Variants in SMIM10L3 observed in about 807,000 individuals in gnomAD.
SMIM10L3 encodes the protein small integral membrane protein 10 like 3, also known as salivary gland specific protein SAGSIN1.
chr7:6,343,958 T>C, the SMIM10L3 span, among the ~76,000 whole-genome samples: 76 of 152,212 alleles, frequency 5.0e-4, no homozygotes, highest in African/African-American at 1.6e-3. Context: ...GGATCATAGC[T>C]TACTGTAGCC....
At chr7:6,341,529 A>T in the SMIM10L3 span, among the ~76,000 whole-genome samples, 13 of 149,326 alleles carry the variant, frequency 8.7e-5, no homozygotes, top group South Asian at 2.1e-4. Flanking sequence ...CTAAAAAAAA[A>T]TTTTTTTTAA....
chr7:6,338,657 C>G, the SMIM10L3 span: 9 of 152,310 alleles, frequency 5.9e-5, no homozygotes, highest in African/African-American at 2.2e-4. Flanking sequence ...TCACCTTCCT[C>G]GCAGATCCCT....
At chr7:6,334,890 T>G in the SMIM10L3 span, among the ~76,000 whole-genome samples, 688 of 152,094 alleles carry the variant, frequency 4.5e-3, 8 homozygotes, top group Admixed American at 7.8e-3. Context: ...TGCCTCAGCC[T>G]CCTGAGTAGC....
chr7:6,340,029 C>A, the SMIM10L3 span, among the ~76,000 whole-genome samples: 3 of 152,242 alleles, frequency 2.0e-5, no homozygotes, highest in East Asian at 3.9e-4. Flanking sequence ...GGATTACAGG[C>A]ATGCACCACC....
chr7:6,334,773 T>C, the SMIM10L3 span, among the ~76,000 whole-genome samples: 1 of 141,642 alleles, frequency 7.1e-6, no homozygotes, highest in Non-Finnish European at 1.5e-5. Context: ...GCCTGGATAG[T>C]TAGTTAGTTA....
At chr7:6,339,122 G>A in the SMIM10L3 span, among the ~76,000 whole-genome samples, 3 of 152,168 alleles carry the variant, frequency 2.0e-5, no homozygotes, top group African/African-American at 7.2e-5. Context: ...ATGATCACAA[G>A]GAACACACTA....
the SMIM10L3 span, among the ~76,000 whole-genome samples, chr7:6,348,118 C>T: frequency 6.6e-6 from 1 of 151,242 alleles, no homozygotes; most frequent in African/African-American, 2.4e-5. Context: ...CCGTGTTGGT[C>T]AGGCTGGTCT....
At chr7:6,334,278 G>A in the SMIM10L3 span, among the ~76,000 whole-genome samples, 1 of 150,412 alleles carries the variant, frequency 6.6e-6, no homozygotes, top group Admixed American at 6.6e-5. Flanking sequence ...GCTCACGCCT[G>A]TAATCCCAGC....
chr7:6,339,683 C>G, the SMIM10L3 span, among the ~76,000 whole-genome samples: 6 of 151,874 alleles, frequency 4.0e-5, no homozygotes, highest in Non-Finnish European at 1.5e-5. Flanking sequence ...CAGGGTTTCA[C>G]CATGGTCTCG....
At chr7:6,339,585 G>A in the SMIM10L3 span, among the ~76,000 whole-genome samples, 7 of 151,672 alleles carry the variant, frequency 4.6e-5, no homozygotes, top group African/African-American at 1.4e-4. Flanking sequence ...CCAGGTTCAC[G>A]CCATTCCGCT....
chr7:6,347,229 T>G, the SMIM10L3 span, among the ~76,000 whole-genome samples: 4 of 152,128 alleles, frequency 2.6e-5, no homozygotes, highest in East Asian at 7.7e-4. Context: ...AATATCAGTC[T>G]CTTGGCTGGG....
chr7:6,334,768 G>T, the SMIM10L3 span, among the ~76,000 whole-genome samples: 1 of 148,570 alleles, frequency 6.7e-6, no homozygotes, highest in Non-Finnish European at 1.5e-5. Context: ...GCCCAGCCTG[G>T]ATAGTTAGTT....
chr7:6,346,271 T>C, the SMIM10L3 span, among the ~76,000 whole-genome samples: 1 of 152,288 alleles, frequency 6.6e-6, no homozygotes, highest in South Asian at 2.1e-4. Flanking sequence ...GTGGAGGTTT[T>C]GACCCCTCTA....
the SMIM10L3 span, among the ~76,000 whole-genome samples, chr7:6,340,907 A>G: frequency 6.7e-6 from 1 of 148,766 alleles, no homozygotes; most frequent in Non-Finnish European, 1.5e-5. Flanking sequence ...TCAAAAAAAA[A>G]AAAAAAAAAA....
chr7:6,334,823 C>T, the SMIM10L3 span, among the ~76,000 whole-genome samples: 1 of 150,910 alleles, frequency 6.6e-6, no homozygotes, highest in African/African-American at 2.4e-5. Context: ...GGCTGGAGTA[C>T]AATGGCACGA....
the SMIM10L3 span, among the ~76,000 whole-genome samples, chr7:6,344,039 C>T: frequency 2.0e-5 from 3 of 152,096 alleles, no homozygotes; most frequent in Admixed American, 2.0e-4. Flanking sequence ...GCATGCACCA[C>T]TACATTCAAC....
the SMIM10L3 span, chr7:6,348,942 C>A: frequency 2.6e-6 from 1 of 380,456 alleles, no homozygotes; most frequent in Non-Finnish European, 4.6e-6. Flanking sequence ...CGAGCAGCCG[C>A]CTGTACCAGC....
chr7:6,332,322 T>C, the SMIM10L3 span, among the ~76,000 whole-genome samples: 1 of 152,020 alleles, frequency 6.6e-6, no homozygotes, highest in Non-Finnish European at 1.5e-5. Flanking sequence ...GTCTAATTAG[T>C]TTAATTAAAC....
chr7:6,330,893 C>T, the SMIM10L3 span: 4 of 1,614,082 alleles, frequency 2.5e-6, no homozygotes, highest in Admixed American at 1.7e-5. Context: ...CTTACTGATT[C>T]TCTCACATAT....
Sources: gnomAD v4.1 joint callset for allele counts (sites outside exome capture counted in the v4.1 genomes callset) on GRCh38, gnomAD v4.1.1 for gene constraint, MANE v1.5 for transcripts, NCBI Gene and HGNC (gene_info 2026-07-23, HGNC 2026-07-21) for gene names.